The following AGBL1 variants were observed in gnomAD, a reference collection of about 807,000 sequenced individuals.
The protein encoded by AGBL1 is cytosolic carboxypeptidase 4.
A neutral mutation model predicts 118.9 loss-of-function variants in AGBL1; 130 were observed. That is an observed-to-expected ratio of 1.09 (90% CI 0.95 to 1.26). AGBL1 has a LOEUF of 1.26. Ranked by LOEUF, AGBL1 falls within the 50% of genes most tolerant of loss-of-function variation. The probability of loss-of-function intolerance (pLI) is 0.00; values close to 1 mark genes in which losing one functional copy is unlikely to be tolerated. For missense variants in AGBL1, 1,584 were observed against 1,298.1 expected, an observed-to-expected ratio of 1.22 and a Z score of -3.38; for synonymous variants, 555 against 478.9, an observed-to-expected ratio of 1.16 and a Z score of -2.08.
At chr15:86,968,446 C>T (rs72755684) in intron 23 of AGBL1, among the ~76,000 whole-genome samples, 5,931 of 151,954 alleles carry the variant, frequency 0.039, 158 homozygotes, top group Middle Eastern at 0.071. Flanking sequence ...TTGCTTACAT[C>T]GCATTTTGCA....
intron 22 of AGBL1, among the ~76,000 whole-genome samples, chr15:86,859,230 C>G (rs1456862056): frequency 6.6e-6 from 1 of 152,176 alleles, no homozygotes; most frequent in African/African-American, 2.4e-5. Flanking sequence ...AACTGATCAC[C>G]CTGGATGCCA....
chr15:87,004,290 T>A (rs1300405776), intron 24 of AGBL1, among the ~76,000 whole-genome samples: 2 of 152,114 alleles, frequency 1.3e-5, no homozygotes, highest in Non-Finnish European at 2.9e-5. Context: ...CAGTGGGGTG[T>A]TAGACTCCCA....
chr15:86,674,234 T>C, intron 21 of AGBL1, 39 bp from the exon 22 acceptor site: 1 of 1,572,634 alleles, frequency 6.4e-7, no homozygotes, highest in Middle Eastern at 1.7e-4. Flanking sequence ...TCAGCTCCCA[T>C]TATACGTTGC....
At position 86,165,818 on chromosome 15, in the gene AGBL1, A is replaced by G. The variant is rs561625619; in HGVS notation, c.488+6792A>G. On this transcript the variant is annotated intron_variant, in intron 5 of 22. Transcript: ENST00000614907. ...AAAAAAATTCCACCCCAGCCTCACA[A>G]GCGCTGATATTGGGGGCGTGCACCA... Among the ~76,000 whole-genome samples the G allele has an allele frequency of 8.0e-4, 122 of 152,198 alleles. 1 individual carries two copies. In the South Asian group the frequency reaches 9.8e-3, roughly 12 times the overall value.
chr15:86,272,386 A>T (rs1445790777), intron 15 of AGBL1, among the ~76,000 whole-genome samples: 1 of 152,194 alleles, frequency 6.6e-6, no homozygotes, highest in African/African-American at 2.4e-5. Flanking sequence ...GAAAATAAGG[A>T]TAGGGATTGC....
chr15:86,777,049 T>C lies in AGBL1; in HGVS notation c.3158+102613T>C, dbSNP rs1300102731. On this transcript the variant is annotated intron_variant, in intron 22 of 22. Transcript: ENST00000614907. ...ACTGCTCACATTTAAGTATTTTATC[T>C]AGCTGAAATTAATTTTTGCATATAG... Among the ~76,000 whole-genome samples the C allele has an allele frequency of 2.0e-5, 3 of 152,180 alleles. No individual in the cohort carries two copies. In the South Asian group the frequency reaches 6.2e-4, roughly 31 times the overall value.
intron 18 of AGBL1, among the ~76,000 whole-genome samples, chr15:86,518,708 A>G (rs7173002): frequency 0.068 from 10,287 of 152,080 alleles, 1,220 homozygotes; most frequent in African/African-American, 0.24. Context: ...CCTCAGTGGC[A>G]TATGAAATTC....
chr15:86,645,835 A>C (rs1427353274), intron 21 of AGBL1, among the ~76,000 whole-genome samples: 1 of 152,148 alleles, frequency 6.6e-6, no homozygotes, highest in Non-Finnish European at 1.5e-5. Flanking sequence ...ACCACCAATG[A>C]GCTGAACGTT....
At chr15:86,621,808 G>A (rs1011893364) in intron 21 of AGBL1, among the ~76,000 whole-genome samples, 3 of 152,180 alleles carry the variant, frequency 2.0e-5, no homozygotes, top group African/African-American at 7.2e-5. Context: ...AAAATGTTTA[G>A]AAAGCCTCTA....
At chr15:86,267,862 G>A (rs1393853612) in intron 13 of AGBL1, among the ~76,000 whole-genome samples, 1 of 152,172 alleles carries the variant, frequency 6.6e-6, no homozygotes, top group Non-Finnish European at 1.5e-5. Context: ...AACAGATAAT[G>A]GTGTGGTGGC....
intron 22 of AGBL1, among the ~76,000 whole-genome samples, chr15:86,726,583 A>G (rs1038822570): frequency 2.0e-5 from 3 of 152,156 alleles, no homozygotes; most frequent in Admixed American, 6.5e-5. Context: ...ATTATTTGAA[A>G]TAGGTTCCTG....
intron 22 of AGBL1, among the ~76,000 whole-genome samples, chr15:86,861,225 C>T (rs2141480436): frequency 6.6e-6 from 1 of 152,200 alleles, no homozygotes; most frequent in South Asian, 2.1e-4. Context: ...ATGCACCAAC[C>T]ATAGGCAATA....
chr15:86,931,144 A>C (rs924285736), intron 23 of AGBL1, among the ~76,000 whole-genome samples: 1 of 152,238 alleles, frequency 6.6e-6, no homozygotes, highest in East Asian at 1.9e-4. Flanking sequence ...GTCTTTAGAC[A>C]ATGCTTCCTT....
chr15:86,985,200 A>T (rs1472383294), intron 23 of AGBL1, among the ~76,000 whole-genome samples: 1 of 152,200 alleles, frequency 6.6e-6, no homozygotes, highest in African/African-American at 2.4e-5. Flanking sequence ...CTCTATGGAC[A>T]TTCATGTACA....
intron 22 of AGBL1, among the ~76,000 whole-genome samples, chr15:86,896,101 G>T (rs11632413): frequency 0.12 from 18,543 of 151,874 alleles, 1,249 homozygotes; most frequent in African/African-American, 0.18. Flanking sequence ...TTAGAGAAAA[G>T]GCTGTTTAAT....
intron 23 of AGBL1, among the ~76,000 whole-genome samples, chr15:86,954,963 T>C (rs945733039): frequency 2.0e-5 from 3 of 152,200 alleles, no homozygotes; most frequent in Non-Finnish European, 4.4e-5. Flanking sequence ...TTTACTTATA[T>C]ATCTTTAACT....
chr15:86,856,033 C>G (rs2079475081), intron 22 of AGBL1, among the ~76,000 whole-genome samples: 1 of 152,196 alleles, frequency 6.6e-6, no homozygotes. Flanking sequence ...ATAAATTACT[C>G]CTTGGAATGT....
At chr15:86,991,749 G>A (rs150382198) in intron 24 of AGBL1, among the ~76,000 whole-genome samples, 15 of 152,212 alleles carry the variant, frequency 9.9e-5, no homozygotes, top group East Asian at 3.9e-4. Flanking sequence ...GTAGCACTGC[G>A]TATGGTTTCC....
At chr15:86,972,000 A>T (rs535705126) in intron 23 of AGBL1, among the ~76,000 whole-genome samples, 80 of 152,016 alleles carry the variant, frequency 5.3e-4, no homozygotes, top group Admixed American at 1.6e-3. Context: ...TTCTGCCATG[A>T]TTCTAAGTTC....
Sources: allele counts gnomAD v4.1 joint callset (sites outside exome capture counted in the v4.1 genomes callset), GRCh38; gene constraint gnomAD v4.1.1; transcripts MANE v1.5; gene names NCBI Gene and HGNC (gene_info 2026-07-23, HGNC 2026-07-21).